Variants in MASP2 observed in about 807,000 individuals in gnomAD.
MASP2 encodes mannan-binding lectin serine protease 2.
MASP2 carries 49 observed loss-of-function variants against 57.1 expected under a neutral mutation model. The observed-to-expected ratio is 0.86, with a 90% CI of 0.68 to 1.09. The LOEUF (loss-of-function observed/expected upper bound fraction) is 1.09. Ranked by LOEUF, MASP2 falls within the 50% of genes least tolerant of loss-of-function variation. The pLI is 0.00. For missense variants in MASP2, 900 were observed against 874.8 expected (o/e 1.03, Z -0.36); for synonymous variants, 379 against 340.8 (o/e 1.11, Z -1.24).
chr1:11,042,264 G>C (rs1255488624), intron 6 of MASP2, among the ~76,000 whole-genome samples: 1 of 151,392 alleles, frequency 6.6e-6, no homozygotes, highest in Non-Finnish European at 1.5e-5. Flanking sequence ...AGAAGGATGG[G>C]TGGATGGGTG....
chr1:11,035,179 C>T (rs967568591), intron 7 of MASP2, among the ~76,000 whole-genome samples: 1 of 152,060 alleles, frequency 6.6e-6, no homozygotes, highest in African/African-American at 2.4e-5. Context: ...CAGATGGAAC[C>T]TTTGCAGCAA....
rs1039521435 is a variant in MASP2 at position 11,041,875 on chromosome 1, AGGATGGGT to A, written c.889+992_889+999del. ...GTTGATAGAAGGATGGGTGGGTGGAAGGATGGGTGGATGGGTGGTTGGATAGAAGGATG... is the reference window on the plus strand; with the variant it reads ...GTTGATAGAAGGATGGGTGGGTGGAAGGATGGGTGGTTGGATAGAAGGATG... On this transcript the variant is annotated intron_variant, in intron 6 of 10. Transcript: ENST00000400897. Among the ~76,000 whole-genome samples the A allele has an allele frequency of 6.4e-5, 9 of 141,612 alleles. No homozygotes were observed. The South Asian group carries it at 1.9e-3, about 30-fold the overall frequency. The allele number at this position is 141,612 out of a possible 152,430, so 92.9% of individuals were successfully genotyped here.
At position 11,029,387 on chromosome 1, in the gene MASP2, G is replaced by A. The variant is rs548579237; in HGVS notation, c.1297+789C>T. 2.3e-4 allele frequency among the ~76,000 whole-genome samples: 34 copies of A among 150,662 alleles called. No individual in the cohort carries two copies. The East Asian group carries it at 5.4e-3, about 24-fold the overall frequency. On this transcript the variant is annotated intron_variant, in intron 10 of 10. Transcript: ENST00000400897. Reference sequence around the variant, plus strand: ...CTGCACTCCAACCTGGCAAGAGAGCGAGATTCCGTCTCAAAAAATAATAAT... The same window carrying A: ...CTGCACTCCAACCTGGCAAGAGAGCAAGATTCCGTCTCAAAAAATAATAAT...
At chr1:11,045,057 C>A in intron 4 of MASP2, 1 of 1,084,446 alleles carries the variant, frequency 9.2e-7, no homozygotes. Context: ...CGCCCCAGAG[C>A]ACTGGCCCGT....
intron 4 of MASP2, chr1:11,044,873 C>G: frequency 6.4e-7 from 1 of 1,573,696 alleles, no homozygotes; most frequent in Non-Finnish European, 8.6e-7. Flanking sequence ...CAGCCCAACC[C>G]GGAGCTGAGG....
chr1:11,036,295 G>T (rs2100886273), intron 7 of MASP2, among the ~76,000 whole-genome samples: 1 of 151,418 alleles, frequency 6.6e-6, no homozygotes, highest in Admixed American at 6.6e-5. Context: ...ATGAGGTCAG[G>T]AGATCGAGAC....
In MASP2 at chr1:11,043,422, C is replaced by T; in HGVS notation, c.658G>A (p.Gly220Arg). The T allele has an allele frequency of 6.2e-7, 1 of 1,610,960 alleles. No homozygotes were observed. Among genetic ancestry groups the T allele is most frequent in the Non-Finnish European group, 8.5e-7 (1 of 1,178,974 alleles). The change falls in exon 5 of 11, where the codon GGG becomes AGG. Residue 220 changes from glycine to arginine, a missense_variant. Coordinates refer to ENST00000400897, the MANE Select transcript of MASP2 (RefSeq NM_006610.4). The stretch of plus-strand genomic sequence containing the variant: ...ACAAAGTCCAGAATGACACTGAACC[C>T]CTCCTCCAGGCTGATGCTGTAAGTG... ...SCTYSISLEEGFSVILDFVES... is the reference protein window; with the variant it reads ...SCTYSISLEERFSVILDFVES...
At chr1:11,035,022 G>T in intron 7 of MASP2, 116 bp from the exon 8 acceptor site, 1 of 686,698 alleles carries the variant, frequency 1.5e-6, no homozygotes, top group Non-Finnish European at 2.4e-6. Flanking sequence ...TCCTGAAGGG[G>T]GTGGCAGCAC....
At chr1:11,045,012 G>C in intron 4 of MASP2, 2 of 1,548,694 alleles carry the variant, frequency 1.3e-6, no homozygotes, top group South Asian at 1.1e-5. Context: ...CGAGTCGGGG[G>C]AGGCAGGGTC....
At position 11,033,926 on chromosome 1, in the gene MASP2, GACACACACACACAC is replaced by G. The variant is rs762078074; in HGVS notation, c.1087+888_1087+901del. 5.0e-3 allele frequency among the ~76,000 whole-genome samples: 694 copies of G among 140,116 alleles called. 8 individuals carry two copies. The highest frequency in any genetic ancestry group is 0.018 in the African/African-American group (661 of 36,570). The allele number at this position is 140,116 out of a possible 152,430, so 91.9% of individuals were successfully genotyped here. A position where few individuals can be genotyped will look rare whatever the true frequency, so the allele number is the denominator to read the frequency against. ...AGCCTGGGTGACAGAGTGAGACTCC[GACACACACACACAC>G]ACACACACACACACACACACACACA... On this transcript the variant is annotated intron_variant, in intron 8 of 10. Coordinates refer to ENST00000400897, the MANE Select transcript of MASP2 (RefSeq NM_006610.4).
chr1:11,045,734 A>G, intron 3 of MASP2, 195 bp from the exon 4 acceptor site: 1 of 602,648 alleles, frequency 1.7e-6, no homozygotes, highest in Non-Finnish European at 2.9e-6. Flanking sequence ...CGCTGGGAGA[A>G]AGATGCAAAC....
chr1:11,036,545 A>AAAAAG (rs1557670977), intron 7 of MASP2, among the ~76,000 whole-genome samples: 2 of 148,590 alleles, frequency 1.3e-5, no homozygotes, highest in Admixed American at 6.7e-5. Flanking sequence ...AAACAAAAAA[A>AAAAAG]AAAGAAACTA....
chr1:11,042,782 CCAGAAGGAG>C, intron 6 of MASP2, 84 bp downstream of exon 6: 1 of 1,431,340 alleles, frequency 7.0e-7, no homozygotes, highest in South Asian at 1.3e-5. Context: ...TAGTCCTGGC[CCAGAAGGAG>C]CCCTACACTC....
rs762692182 is a variant in MASP2 at position 11,037,696 on chromosome 1, C to T, written c.1005G>A (p.Leu335=). The T allele has an allele frequency of 1.2e-6, 2 of 1,601,376 alleles. No homozygotes were observed. Among genetic ancestry groups the T allele is most frequent in the South Asian group, 1.1e-5 (1 of 88,982 alleles). Reference sequence around the variant, plus strand: ...GGTGTACTTTGTTTTAACTCACTTGCAGAAGCTCATAGCCAGTCTCGCAAA... The same window carrying T: ...GGTGTACTTTGTTTTAACTCACTTGTAGAAGCTCATAGCCAGTCTCGCAAA... ...SIFCETGYEL[L]QGHLPLKSFT... The change falls in exon 7 of 11, where the codon CTG becomes CTA. Residue 335 remains leucine (L), a synonymous_variant. Coordinates refer to ENST00000400897, the MANE Select transcript of MASP2 (RefSeq NM_006610.4).
chr1:11,043,026 A>C lies in MASP2; in HGVS notation c.742-4T>G. ...GTTCTTCTCTGTCTGTTTGAATCTG[A>C]GAAAGAAGCTCATGAAAGCTGGGGA... On this transcript the variant is annotated splice_polypyrimidine_tract_variant and splice_region_variant and intron_variant, in intron 5 of 10. Transcript: ENST00000400897. 1 of 1,613,160 alleles carries C rather than the reference A, an allele frequency of 6.2e-7. No individual in the cohort carries two copies. The highest frequency in any genetic ancestry group is 8.5e-7 in the Non-Finnish European group (1 of 1,179,402).
At chr1:11,036,169 C>T (rs758854485) in intron 7 of MASP2, among the ~76,000 whole-genome samples, 1 of 152,150 alleles carries the variant, frequency 6.6e-6, no homozygotes, top group Non-Finnish European at 1.5e-5. Flanking sequence ...GGCAGAAACC[C>T]TGTGCCGCAA....
chr1:11,027,038 T>G lies in MASP2; in HGVS notation c.1908A>C (p.Ala636=). The G allele has an allele frequency of 6.3e-7, 1 of 1,596,142 alleles. No individual in the cohort carries two copies. The highest frequency in any genetic ancestry group is 1.1e-5 in the South Asian group (1 of 87,778). The change falls in exon 11 of 11, where the codon GCA becomes GCC. Residue 636 remains alanine, a synonymous_variant. Coordinates refer to ENST00000400897, the MANE Select transcript of MASP2 (RefSeq NM_006610.4). ...CTGTTTCACTATCTAGAAACACCAG[T>G]GCCCCTCCGCTGTCACCTCTGCAGC... ...KDSCRGDSGG[A]LVFLDSETER... is the part of the protein sequence containing the mutation.
intron 4 of MASP2, 142 bp downstream of exon 4, chr1:11,045,266 G>A: frequency 8.1e-7 from 1 of 1,237,260 alleles, no homozygotes; most frequent in Non-Finnish European, 1.2e-6. Flanking sequence ...GGCTGAGAAG[G>A]GGAGCTGGAG....
chr1:11,027,426 G>C lies in MASP2; in HGVS notation c.1520C>G (p.Pro507Arg). 1.2e-6 allele frequency: 2 copies of C among 1,614,192 alleles called. No individual in the cohort carries two copies. The highest frequency in any genetic ancestry group is 1.7e-6 in the Non-Finnish European group (2 of 1,180,030). ...IRMGTLKRLS[P>R]HYTQAWSEAV... The stretch of plus-strand genomic sequence containing the variant: ...TTCAGACCAGGCTTGTGTATAATGA[G>C]GTGATAGTCTTTTCAGGGTGCCCAT... Residue 507 changes from proline to arginine, a missense_variant, in exon 11 of 11, where the codon CCT (proline) becomes CGT (arginine). By Grantham distance (103) the Pro-to-Arg change is moderately radical. Coordinates refer to ENST00000400897, the MANE Select transcript of MASP2 (RefSeq NM_006610.4).
Sources: allele counts gnomAD v4.1 joint callset (sites outside exome capture counted in the v4.1 genomes callset), GRCh38; gene constraint gnomAD v4.1.1; transcripts MANE v1.5; gene names NCBI Gene and HGNC (gene_info 2026-07-23, HGNC 2026-07-21).